The following GYS1 variants were observed in gnomAD, a reference collection of about 807,000 sequenced individuals.
GYS1 encodes the protein glycogen synthase 1, also known as glycogen [starch] synthase, muscle.
Under a neutral mutation model 89.1 loss-of-function variants are expected in GYS1, and 60 were observed. That is an observed-to-expected ratio of 0.67 (90% CI 0.55 to 0.84). The LOEUF (loss-of-function observed/expected upper bound fraction) is 0.84. GYS1 is among the 40% of genes least tolerant of loss of function. The pLI is 0.00. For synonymous variants in GYS1, 366 were observed against 401.7 expected (o/e 0.91, Z 1.06); for missense variants, 888 against 1,003.1 (o/e 0.89, Z 1.55).
chr19:48,969,524 C>T lies in GYS1; in HGVS notation c.1978G>A (p.Glu660Lys), dbSNP rs1314644112. 1.3e-6 allele frequency: 2 copies of T among 1,543,156 alleles called. No homozygotes were observed. Among genetic ancestry groups the T allele is most frequent in the African/African-American group, 1.4e-5 (1 of 73,112 alleles). ...RHSSPHQSED[E>K]EDPRNGPLEE... The stretch of plus-strand genomic sequence containing the variant: ...AGCGGCCCGTTCCGGGGATCCTCCT[C>T]GTCCTCACTCTGGTGCGGGCTGGAG... The change falls in exon 16 of 16, where the codon GAG becomes AAG. Residue 660 changes from glutamate (E) to lysine (K), a missense_variant. Physicochemically the swap from Glu to Lys is moderately conservative, Grantham distance 56 (BLOSUM62 1). Coordinates refer to ENST00000323798, the MANE Select transcript of GYS1 (RefSeq NM_002103.5).
intron 5 of GYS1, among the ~76,000 whole-genome samples, chr19:48,984,789 G>A (rs569184387): frequency 2.6e-5 from 4 of 152,078 alleles, no homozygotes; most frequent in African/African-American, 9.6e-5. Context: ...GCTGAGGCAG[G>A]AGAATGGCAT....
At chr19:48,989,413 C>T (rs1287335609) in intron 2 of GYS1, among the ~76,000 whole-genome samples, 3 of 144,678 alleles carry the variant, frequency 2.1e-5, no homozygotes, top group Admixed American at 7.1e-5. Flanking sequence ...ACGCGGGAGG[C>T]GGAGGTTGCA....
At chr19:48,988,639 G>T (rs1472727360) in intron 2 of GYS1, among the ~76,000 whole-genome samples, 1 of 152,098 alleles carries the variant, frequency 6.6e-6, no homozygotes, top group Non-Finnish European at 1.5e-5. Context: ...TTCAGAGACG[G>T]GGTCTTGCTC....
intron 13 of GYS1, 88 bp downstream of exon 13, chr19:48,970,840 T>C (rs1825111945): frequency 7.2e-7 from 1 of 1,395,520 alleles, no homozygotes; most frequent in African/African-American, 1.4e-5. Context: ...GCCCCTGGTC[T>C]CCAAGGGTGC....
chr19:48,976,446 G>C (rs1256993927), intron 10 of GYS1, among the ~76,000 whole-genome samples: 5 of 151,970 alleles, frequency 3.3e-5, no homozygotes, highest in Non-Finnish European at 1.5e-5. Flanking sequence ...ATAGAATGAC[G>C]GTAAGTTCTC....
chr19:48,978,234 G>C (rs2038692038), intron 8 of GYS1, 77 bp from the exon 9 acceptor site: 1 of 1,290,982 alleles, frequency 7.7e-7, no homozygotes, highest in Middle Eastern at 2.1e-4. Flanking sequence ...TAGTTTGTTT[G>C]TTTATTTTGA....
chr19:48,979,331 CTTTTCTTTTTTTTTTTTTTT>C (rs1568620575), intron 8 of GYS1, among the ~76,000 whole-genome samples: 2 of 46,354 alleles, frequency 4.3e-5, no homozygotes, highest in Non-Finnish European at 9.3e-5. Context: ...TTTCTTTTTT[CTTTTCTTTTTTTTTTTTTTT>C]TTTTTTTTTT....
rs1408028192 is a variant in GYS1, at chr19:48,982,854, G to A, written c.824-17C>T. 2.1e-6 allele frequency: 3 copies of A among 1,416,506 alleles called. No individual in the cohort carries two copies. Among genetic ancestry groups the A allele is most frequent in the Non-Finnish European group, 2.0e-6 (2 of 999,634 alleles). 87.7% of individuals were successfully genotyped at this position (1,416,506 alleles called of 1,614,324 possible). A position where few individuals can be genotyped will look rare whatever the true frequency, so the allele number is the denominator to read the frequency against. ...TCACAATATCTGGGATTGGGGGTGA[G>A]GGTCCCATGTTTTATTTGTTCATTC... On this transcript the variant is annotated splice_polypyrimidine_tract_variant and intron_variant, in intron 5 of 15. Coordinates refer to ENST00000323798, the MANE Select transcript of GYS1 (RefSeq NM_002103.5).
rs752397642 is a variant in GYS1, at chr19:48,982,315, G to A, written c.1002C>T (p.Phe334=). 1 of 1,613,674 alleles carries A rather than the reference G, an allele frequency of 6.2e-7. No individual in the cohort carries two copies. Among genetic ancestry groups the A allele is most frequent in the African/African-American group, 1.3e-5 (1 of 74,874 alleles). ...LYFFIAGRYE[F]SNKGADVFLE... ...GGAAGACGTCAGCACCCTTGTTGGAGAACTCATAGCGGCCGGCGATAAAGA... is the reference window on the plus strand; with the variant it reads ...GGAAGACGTCAGCACCCTTGTTGGAAAACTCATAGCGGCCGGCGATAAAGA... The change falls in exon 7 of 16, where the codon TTC becomes TTT. Residue 334 remains phenylalanine (F), a synonymous_variant. Transcript: ENST00000323798.
At position 48,985,476 on chromosome 19, in the gene GYS1, G is replaced by A. The variant is rs776190194; in HGVS notation, c.808C>T (p.Leu270Phe). Residue 270 changes from leucine to phenylalanine, a missense_variant, in exon 5 of 16, where the codon CTC becomes TTC. By Grantham distance (22) the Leu-to-Phe change is conservative. Transcript: ENST00000323798. Reference protein sequence around the residue: ...QITAIEAQHLLKRKPDIVTPN... With the variant: ...QITAIEAQHLFKRKPDIVTPN... ...CAGCCCCTACCTGGTTTCCTCTTGA[G>A]CAAGTGCTGTGCCTCGATGGCGGTG... is the stretch of plus-strand genomic sequence containing the variant. The A allele has an allele frequency of 5.0e-6, 8 of 1,613,732 alleles. No individual in the cohort carries two copies. The highest frequency in any genetic ancestry group is 4.5e-5 in the East Asian group (2 of 44,902).
rs774870742 is a variant in GYS1 at position 48,993,171 on chromosome 19, G to T, written c.-59C>A. 1 of 951,964 alleles carries T rather than the reference G, an allele frequency of 1.1e-6. No homozygotes were observed. Among genetic ancestry groups the T allele is most frequent in the South Asian group, 1.3e-5 (1 of 77,688 alleles). The allele number at this position is 951,964 out of a possible 1,614,324, so 59.0% of individuals were successfully genotyped here. On this transcript the variant is annotated 5_prime_UTR_variant, in exon 1 of 16. Transcript: ENST00000323798. ...CAGGTAGGGACCCCGGAGGTGTCTA[G>T]GGAATGCACCAGGTAGGGTGCGGGG...
intron 3 of GYS1, 123 bp from the exon 4 acceptor site, chr19:48,986,158 G>T (rs1449803591): frequency 1.2e-6 from 1 of 849,488 alleles, no homozygotes; most frequent in Non-Finnish European, 1.9e-6. Flanking sequence ...AGAGTGGGCA[G>T]CGGCCCACTG....
chr19:48,972,035 A>AT (rs974870156), intron 12 of GYS1, among the ~76,000 whole-genome samples: 7 of 151,042 alleles, frequency 4.6e-5, no homozygotes, highest in African/African-American at 1.7e-4. Context: ...CTAATTAAAA[A>AT]TAAAAAAAAA....
chr19:48,991,418 A>C lies in GYS1; in HGVS notation c.184T>G (p.Tyr62Asp), dbSNP rs2038923851. 2 of 1,614,088 alleles carry C rather than the reference A, an allele frequency of 1.2e-6. No homozygotes were observed. The highest frequency in any genetic ancestry group is 1.7e-6 in the Non-Finnish European group (2 of 1,180,028). Residue 62 changes from tyrosine to aspartate, a missense_variant, in exon 2 of 16, where the codon TAC (tyrosine) becomes GAC (aspartate). Transcript: ENST00000323798. This position sits in a 1 kb window ranked among gnomAD's most constrained non-coding sequence, Gnocchi z 4.7. ...KVTGDEWGDN[Y>D]FLVGPYTEQG... ...TCCGTGTACGGCCCCACCAGGAAGTAGTTGTCGCCCCATTCGTCCCCTGTC... is the reference window on the plus strand; with the variant it reads ...TCCGTGTACGGCCCCACCAGGAAGTCGTTGTCGCCCCATTCGTCCCCTGTC...
At chr19:48,978,980 G>C (rs1013241598) in intron 8 of GYS1, among the ~76,000 whole-genome samples, 3 of 152,140 alleles carry the variant, frequency 2.0e-5, no homozygotes, top group Non-Finnish European at 2.9e-5. Context: ...GTGTGGTCAG[G>C]GACAGGTGGC....
In GYS1 at chr19:48,977,936, G is replaced by GT; in HGVS notation, c.1295_1296insA (p.Phe433LeufsTer19). 1.9e-6 allele frequency: 3 copies of GT among 1,613,472 alleles called. No homozygotes were observed. Among genetic ancestry groups the GT allele is most frequent in the Non-Finnish European group, 1.7e-6 (2 of 1,179,410 alleles). On this transcript the variant is annotated frameshift_variant, in exon 10 of 16. Coordinates refer to ENST00000323798, the MANE Select transcript of GYS1 (RefSeq NM_002103.5). LOFTEE classifies it high-confidence loss of function. ...GTCCAATCCATACCTGCGTTGCAAA[G>GT]ATGGCTCTCTTCATCATAGTGAAGT...
At chr19:48,988,302 C>CT (rs1168434376) in intron 2 of GYS1, among the ~76,000 whole-genome samples, 1 of 152,148 alleles carries the variant, frequency 6.6e-6, no homozygotes, top group Non-Finnish European at 1.5e-5. Flanking sequence ...CTCCCACTGT[C>CT]TTTTCTTTCT....
chr19:48,974,409 CAG>C, intron 11 of GYS1, 70 bp from the exon 12 acceptor site: 1 of 1,549,154 alleles, frequency 6.5e-7, no homozygotes, highest in Non-Finnish European at 8.9e-7. Flanking sequence ...CAAGGTGGCC[CAG>C]AGAGGGTAAA....
In GYS1 at chr19:48,977,956, T is replaced by C. The variant is rs768193663; in HGVS notation, c.1276A>G (p.Thr426Ala). The change falls in exon 10 of 16, where the codon ACT becomes GCT. Residue 426 changes from threonine (T) to alanine (A), a missense_variant. Coordinates refer to ENST00000323798, the MANE Select transcript of GYS1 (RefSeq NM_002103.5). ...MNKMLDKEDF[T>A]MMKRAIFATQ... The stretch of plus-strand genomic sequence containing the variant: ...GCAAAGATGGCTCTCTTCATCATAG[T>C]GAAGTCTTCCTTATCCAGCATCTTG... The C allele has an allele frequency of 1.2e-6, 2 of 1,613,874 alleles. No individual in the cohort carries two copies. The highest frequency in any genetic ancestry group is 1.1e-5 in the South Asian group (1 of 91,084).
Sources: allele counts gnomAD v4.1 joint callset (sites outside exome capture counted in the v4.1 genomes callset), GRCh38; gene constraint gnomAD v4.1.1; non-coding constraint Gnocchi (gnomAD v3.1); transcripts MANE v1.5; gene names NCBI Gene and HGNC (gene_info 2026-07-23, HGNC 2026-07-21).